Variants in PINX1 observed in about 807,000 individuals in gnomAD.
PINX1 encodes PIN2 (TERF1) interacting telomerase inhibitor 1.
In PINX1, 34 loss-of-function variants were observed where a neutral mutation model predicts 25.4. The ratio of observed to expected loss-of-function variants is 1.34; its 90% CI spans 1.02 to 1.78. PINX1 has a LOEUF of 1.78. Ranked by LOEUF, PINX1 falls within the 40% of genes most tolerant of loss-of-function variation. PINX1 has a pLI of 0.00. For synonymous variants in PINX1, 197 were observed against 147.7 expected (o/e 1.33, Z -2.42); for missense variants, 592 against 404.9 (o/e 1.46, Z -3.97).
At chr8:10,838,161 G>A (rs1798460574) in intron 1 of PINX1, among the ~76,000 whole-genome samples, 1 of 152,200 alleles carries the variant, frequency 6.6e-6, no homozygotes, top group Admixed American at 6.5e-5. Context: ...TCTGAAGGCT[G>A]CCCAATTCTT....
At chr8:10,826,337 G>T (rs997892931) in intron 4 of PINX1, 93 bp from the exon 5 acceptor site, 3 of 636,570 alleles carry the variant, frequency 4.7e-6, no homozygotes, top group Admixed American at 6.3e-5. Context: ...AAAATTTTAG[G>T]AGCCCTATCA....
chr8:10,788,855 C>A lies in PINX1; in HGVS notation c.472-22939G>T, dbSNP rs1034876571. Among the ~76,000 whole-genome samples the A allele has an allele frequency of 2.0e-5, 3 of 152,154 alleles. No homozygotes were observed. The East Asian group carries it at 5.8e-4, about 29-fold the overall frequency. ...CCCTTATGAGATCATGGATTGGCCG[C>A]CAGAGACCGCTACTAATGTTAGAAC... On this transcript the variant is annotated intron_variant, in intron 6 of 6. Transcript: ENST00000314787.
chr8:10,839,617 C>A lies in PINX1; in HGVS notation c.19+121G>T, dbSNP rs1253829059. ...CAGAGCCGGGCTCGGCTCCCCGGTC[C>A]CCCGATCCCATGCGCCAGGCGCGCC... On this transcript the variant is annotated intron_variant, in intron 1 of 6. Transcript: ENST00000314787. 30 of 1,012,486 alleles carry A rather than the reference C, an allele frequency of 3.0e-5. No homozygotes were observed. The East Asian group carries it at 7.9e-4, about 27-fold the overall frequency. 62.7% of individuals were successfully genotyped at this position (1,012,486 alleles called of 1,614,324 possible). A position where few individuals can be genotyped will look rare whatever the true frequency, so the allele number is the denominator to read the frequency against.
rs375916595 is a variant in PINX1, at chr8:10,826,238, G to T, written c.308C>A (p.Ser103Ter). The change falls in exon 5 of 7, where the codon TCG (serine) becomes TAG (stop). Residue 103 changes from serine to a stop codon, truncating the protein, a stop_gained. Coordinates refer to ENST00000314787, the MANE Select transcript of PINX1 (RefSeq NM_017884.6). LOFTEE classifies it high-confidence loss of function. ...AAAAGATTTCTTTTCCTTCTTGTCC[G>T]AGGAATCTTTAAAAAAGATGAAAAA... ...TCHGQETTDS[S>*]DKKEKKSFSL... 6.4e-7 allele frequency: 1 copy of T among 1,551,764 alleles called. No homozygotes were observed. Among genetic ancestry groups the T allele is most frequent in the Non-Finnish European group, 8.8e-7 (1 of 1,132,242 alleles).
chr8:10,798,801 T>A (rs1802170759), intron 6 of PINX1, among the ~76,000 whole-genome samples: 2 of 152,240 alleles, frequency 1.3e-5, no homozygotes, highest in South Asian at 4.1e-4. Flanking sequence ...TTGTTAAGAA[T>A]GCTGATTTCT....
At chr8:10,836,915 T>C (rs747810468) in intron 1 of PINX1, among the ~76,000 whole-genome samples, 3 of 149,918 alleles carry the variant, frequency 2.0e-5, no homozygotes, top group Non-Finnish European at 4.4e-5. Context: ...TGGAAAATCA[T>C]GGTAAGGAAA....
chr8:10,825,342 C>G (rs1193170598), intron 5 of PINX1: 3 of 534,738 alleles, frequency 5.6e-6, no homozygotes, highest in Non-Finnish European at 1.2e-5. Flanking sequence ...TCCAACCTCC[C>G]AGGAAAGAAC....
intron 6 of PINX1, among the ~76,000 whole-genome samples, chr8:10,785,984 A>T (rs988543859): frequency 6.6e-6 from 1 of 152,234 alleles, no homozygotes; most frequent in African/African-American, 2.4e-5. Flanking sequence ...TACCAGATTA[A>T]GGGAGTTTAT....
rs972764332 is a variant in PINX1 at position 10,837,179 on chromosome 8, G to A, written c.20-2404C>T. 2.0e-5 allele frequency among the ~76,000 whole-genome samples: 3 copies of A among 152,294 alleles called. No individual in the cohort carries two copies. In the East Asian group the frequency reaches 5.8e-4, roughly 29 times the overall value. On this transcript the variant is annotated intron_variant, in intron 1 of 6. Coordinates refer to ENST00000314787, the MANE Select transcript of PINX1 (RefSeq NM_017884.6). ...CTGAGCACCTGCTTTCCTTCTGCGA[G>A]CCAGGAATTTTGGTGCCTCCCAGGT...
intron 1 of PINX1, among the ~76,000 whole-genome samples, chr8:10,836,554 T>C (rs1342624849): frequency 6.6e-6 from 1 of 152,166 alleles, no homozygotes; most frequent in African/African-American, 2.4e-5. Context: ...CGCTTCACAT[T>C]ACCTACTTAT....
At chr8:10,773,583 G>C (rs961217258) in intron 6 of PINX1, among the ~76,000 whole-genome samples, 1 of 152,214 alleles carries the variant, frequency 6.6e-6, no homozygotes, top group African/African-American at 2.4e-5. Flanking sequence ...GACTTTAGTA[G>C]AGAAATACAC....
chr8:10,780,109 G>T (rs148074915), intron 6 of PINX1, among the ~76,000 whole-genome samples: 1 of 152,158 alleles, frequency 6.6e-6, no homozygotes, highest in African/African-American at 2.4e-5. Context: ...AGTTCTAACA[G>T]TTTTCTGGTA....
chr8:10,818,629 C>T (rs1797772850), intron 6 of PINX1, among the ~76,000 whole-genome samples: 2 of 152,012 alleles, frequency 1.3e-5, no homozygotes, highest in African/African-American at 2.4e-5. Flanking sequence ...GATCAACGTG[C>T]AGGGATGTGG....
chr8:10,818,315 C>G (rs531323004), intron 6 of PINX1, among the ~76,000 whole-genome samples: 2 of 152,318 alleles, frequency 1.3e-5, no homozygotes, highest in South Asian at 4.1e-4. Context: ...TCCTCAAACA[C>G]AGGTGGATGT....
intron 6 of PINX1, among the ~76,000 whole-genome samples, chr8:10,817,624 G>T (rs982525955): frequency 3.3e-5 from 5 of 152,214 alleles, no homozygotes; most frequent in African/African-American, 1.2e-4. Context: ...CATGTCAAAA[G>T]GAAAATACTG....
rs1030638127 is a variant in PINX1, at chr8:10,832,890, A to T, written c.222+2T>A. 3 of 1,586,584 alleles carry T rather than the reference A, an allele frequency of 1.9e-6. No individual in the cohort carries two copies. Among genetic ancestry groups the T allele is most frequent in the Non-Finnish European group, 2.6e-6 (3 of 1,156,070 alleles). The stretch of plus-strand genomic sequence containing the variant: ...ACCCAGGAGGCACACACTGCTGCTC[A>T]CTTCATTATTGATGGTAGCTCCGAG... On this transcript the variant is annotated splice_donor_variant, in intron 3 of 6. Coordinates refer to ENST00000314787, the MANE Select transcript of PINX1 (RefSeq NM_017884.6). LOFTEE classifies it high-confidence loss of function.
At chr8:10,784,735 G>A (rs1461843812) in intron 6 of PINX1, among the ~76,000 whole-genome samples, 3 of 152,198 alleles carry the variant, frequency 2.0e-5, no homozygotes, top group Non-Finnish European at 4.4e-5. Context: ...GAGTCAGAAC[G>A]TGAATTAAAG....
At chr8:10,833,702 A>C (rs1798301214) in intron 2 of PINX1, 5 of 95,484 alleles carry the variant, frequency 5.2e-5, no homozygotes, top group African/African-American at 4.3e-4. Flanking sequence ...AGGCTGGAGA[A>C]GAATGACGAC....
At chr8:10,794,483 G>A (rs1802024328) in intron 6 of PINX1, among the ~76,000 whole-genome samples, 2 of 151,652 alleles carry the variant, frequency 1.3e-5, no homozygotes, top group African/African-American at 2.4e-5. Context: ...TGCCCAGGCT[G>A]GAGTGCACTA....
Sources: allele counts gnomAD v4.1 joint callset (sites outside exome capture counted in the v4.1 genomes callset), GRCh38; gene constraint gnomAD v4.1.1; transcripts MANE v1.5; gene names NCBI Gene and HGNC (gene_info 2026-07-23, HGNC 2026-07-21).